Variants in ZNF560 observed in about 807,000 individuals in gnomAD.
ZNF560 encodes the protein zinc finger protein 560.
ZNF560 carries 54 observed loss-of-function variants against 81.8 expected under a neutral mutation model. The ratio of observed to expected loss-of-function variants is 0.66; its 90% CI spans 0.53 to 0.83. The LOEUF (loss-of-function observed/expected upper bound fraction) is 0.83, where lower values mean the gene tolerates loss of function less well. Ranked by LOEUF, ZNF560 falls within the 40% of genes least tolerant of loss-of-function variation. The pLI is 0.00. For synonymous variants in ZNF560, 321 were observed against 317.9 expected, an observed-to-expected ratio of 1.01 and a Z score of -0.10; for missense variants, 940 against 932.4, an observed-to-expected ratio of 1.01 and a Z score of -0.11.
At chr19:9,470,315 A>G in intron 7 of ZNF560, 77 bp downstream of exon 7, 2 of 1,520,778 alleles carry the variant, frequency 1.3e-6, no homozygotes, top group Non-Finnish European at 1.8e-6. Flanking sequence ...ATTTGACATC[A>G]CTAATCCTAG....
chr19:9,472,517 T>C (rs962671184), intron 5 of ZNF560, among the ~76,000 whole-genome samples: 1 of 152,188 alleles, frequency 6.6e-6, no homozygotes, highest in Non-Finnish European at 1.5e-5. Context: ...TATCATGAAC[T>C]GTGCATGCGA....
downstream of ZNF560, among the ~76,000 whole-genome samples, chr19:9,465,983 G>C (rs546443573): frequency 2.0e-5 from 3 of 151,930 alleles, no homozygotes; most frequent in South Asian, 6.3e-4. Context: ...TACAGAGTGG[G>C]ACTTCATCTC....
chr19:9,466,239 A>T (rs187001669), downstream of ZNF560, among the ~76,000 whole-genome samples: 85 of 149,850 alleles, frequency 5.7e-4, no homozygotes, highest in Non-Finnish European at 3.0e-4. Context: ...CCAGCTACTC[A>T]GGAGACTAAA....
chr19:9,504,799 A>G, the ZNF560 span, among the ~76,000 whole-genome samples: 1 of 152,160 alleles, frequency 6.6e-6, no homozygotes, highest in South Asian at 2.1e-4. Flanking sequence ...TAAGAGACAG[A>G]GTCTCGGCTG....
In ZNF560 at chr19:9,473,220, TCCAA is replaced by T; in HGVS notation, c.193_196del (p.Leu65LysfsTer5). The T allele has an allele frequency of 6.2e-7, 1 of 1,613,208 alleles. No individual in the cohort carries two copies. The highest frequency in any genetic ancestry group is 8.5e-7 in the Non-Finnish European group (1 of 1,179,640). ...CTGCAAGGTTCTCAACTCTTCTTCT[TCCAA>T]CCAAGAGATGACACTGGGTTTAAAG... On this transcript the variant is annotated frameshift_variant, in exon 5 of 10. Transcript: ENST00000301480. LOFTEE classifies it high-confidence loss of function.
chr19:9,472,014 G>T (rs2073130021), intron 5 of ZNF560, among the ~76,000 whole-genome samples: 1 of 152,092 alleles, frequency 6.6e-6, no homozygotes, highest in Non-Finnish European at 1.5e-5. Context: ...GGAGGCTGAG[G>T]CAGGAGAATG....
the ZNF560 span, among the ~76,000 whole-genome samples, chr19:9,448,695 T>G: frequency 6.6e-6 from 1 of 151,924 alleles, no homozygotes; most frequent in Non-Finnish European, 1.5e-5. Flanking sequence ...TCCTCACATA[T>G]CAATATTAGC....
Position 9,467,917 on chromosome 19 carries a change from T to C in ZNF560, c.1030A>G (p.Ile344Val). Residue 344 changes from isoleucine to valine, a missense_variant, in exon 10 of 10, where the codon ATT (isoleucine) becomes GTT (valine). Transcript: ENST00000301480. ...SHAVNVETHI[I>V]KNPYECKECG... ...TCCTTACATTCATAGGGGTTTTTAA[T>C]AATGTGTGTTTCAACATTTACAGCA... The C allele has an allele frequency of 6.2e-7, 1 of 1,614,222 alleles. No homozygotes were observed. The highest frequency in any genetic ancestry group is 8.5e-7 in the Non-Finnish European group (1 of 1,180,022).
At position 9,467,451 on chromosome 19, in the gene ZNF560, G is replaced by A. The variant is rs1194881166; in HGVS notation, c.1496C>T (p.Ser499Phe). Residue 499 changes from serine (S) to phenylalanine (F), a missense_variant, in exon 10 of 10, where the codon TCT becomes TTT. Transcript: ENST00000301480. ...CAAATGAGCAAAAAGAGATGAGAAA[G>A]AAACAAAGACTTTCCCACACTGGTC... The part of the protein sequence containing the change: ...DCDQCGKVFV[S>F]FSSLFAHLRT... 1 of 1,613,678 alleles carries A rather than the reference G, an allele frequency of 6.2e-7. No individual in the cohort carries two copies. Among genetic ancestry groups the A allele is most frequent in the Non-Finnish European group, 8.5e-7 (1 of 1,179,924 alleles).
intron 2 of ZNF560, among the ~76,000 whole-genome samples, chr19:9,495,430 C>CAGT (rs200485854): frequency 0.012 from 1,858 of 152,278 alleles, 39 homozygotes; most frequent in African/African-American, 0.043. Flanking sequence ...TGGCCAGCCA[C>CAGT]AGTAGTAGCT....
At chr19:9,479,299 G>A (rs2144703857) in intron 2 of ZNF560, among the ~76,000 whole-genome samples, 1 of 151,838 alleles carries the variant, frequency 6.6e-6, no homozygotes, top group East Asian at 1.9e-4. Flanking sequence ...GAATGGCCAA[G>A]TGGATTAAAA....
upstream of ZNF560, among the ~76,000 whole-genome samples, chr19:9,501,305 C>T (rs117149752): frequency 8.4e-4 from 124 of 148,372 alleles, 1 homozygote; most frequent in East Asian, 0.018. Flanking sequence ...GGACCACAGA[C>T]GCATCACCAT....
At chr19:9,497,461 G>A (rs1052323448) in intron 2 of ZNF560, among the ~76,000 whole-genome samples, 2 of 150,684 alleles carry the variant, frequency 1.3e-5, no homozygotes, top group African/African-American at 2.4e-5. Context: ...CTTGAACCCG[G>A]GAGGCAGAGG....
rs868031307 is a variant in ZNF560, at chr19:9,467,412, C to T, written c.1535G>A (p.Gly512Asp). ...SLFAHLRTHT[G>D]EKPFKCYKCG... ...TTTGTAACACTTAAAGGGCTTCTCACCAGTGTGAGTTCTCAAATGAGCAAA... is the reference window on the plus strand; with the variant it reads ...TTTGTAACACTTAAAGGGCTTCTCATCAGTGTGAGTTCTCAAATGAGCAAA... Residue 512 changes from glycine (G) to aspartate (D), a missense_variant, in exon 10 of 10, where the codon GGT becomes GAT. Coordinates refer to ENST00000301480, the MANE Select transcript of ZNF560 (RefSeq NM_152476.3). The T allele has an allele frequency of 6.2e-7, 1 of 1,614,076 alleles. No individual in the cohort carries two copies. The highest frequency in any genetic ancestry group is 8.5e-7 in the Non-Finnish European group (1 of 1,179,994).
At chr19:9,477,587 C>T (rs570432207) in intron 2 of ZNF560, among the ~76,000 whole-genome samples, 1 of 152,282 alleles carries the variant, frequency 6.6e-6, no homozygotes, top group East Asian at 1.9e-4. Context: ...AGAGTTCTGC[C>T]CATTGCTCCT....
At chr19:9,468,431 CT>C in intron 9 of ZNF560, 97 bp from the exon 10 acceptor site, 1 of 944,166 alleles carries the variant, frequency 1.1e-6, no homozygotes, top group Non-Finnish European at 1.5e-6. Flanking sequence ...ATTTTTGCCA[CT>C]TTTATAACAT....
intron 2 of ZNF560, among the ~76,000 whole-genome samples, chr19:9,476,911 GT>G (rs2073211317): frequency 6.6e-6 from 1 of 152,154 alleles, no homozygotes; most frequent in African/African-American, 2.4e-5. Context: ...TCTGGACACA[GT>G]TTTTTGTGAT....
chr19:9,447,929 C>T, the ZNF560 span, among the ~76,000 whole-genome samples: 12 of 152,186 alleles, frequency 7.9e-5, no homozygotes, highest in Non-Finnish European at 1.2e-4. Flanking sequence ...CTAAGGTCAA[C>T]GCTAGAGAAA....
chr19:9,473,032 G>C (rs1350694978), intron 5 of ZNF560, 147 bp downstream of exon 5: 1 of 681,140 alleles, frequency 1.5e-6, no homozygotes, highest in East Asian at 2.8e-5. Flanking sequence ...TGTAGAGCCT[G>C]CAGAATCGTG....
Sources: gnomAD v4.1 joint callset for allele counts (sites outside exome capture counted in the v4.1 genomes callset) on GRCh38, gnomAD v4.1.1 for gene constraint, MANE v1.5 for transcripts, NCBI Gene and HGNC (gene_info 2026-07-23, HGNC 2026-07-21) for gene names.